The following DCHS2 variants were observed in gnomAD, a reference collection of about 807,000 sequenced individuals.
DCHS2 encodes dachsous cadherin-related 2, also known as protocadherin-23.
In DCHS2, 142 loss-of-function variants were observed where a neutral mutation model predicts 182.4. That is an observed-to-expected ratio of 0.78 (90% CI 0.68 to 0.89). The LOEUF is 0.89. DCHS2 is among the 40% of genes least tolerant of loss of function. The pLI, the probability that DCHS2 is intolerant of heterozygous loss-of-function variation, is 0.00. For missense variants in DCHS2, 4,319 were observed against 4,198.6 expected, an observed-to-expected ratio of 1.03 and a Z score of -0.79; for synonymous variants, 1,740 against 1,663.3, an observed-to-expected ratio of 1.05 and a Z score of -1.12.
intron 6 of DCHS2, among the ~76,000 whole-genome samples, chr4:154,328,436 C>G (rs1319192056): frequency 6.6e-6 from 1 of 152,054 alleles, no homozygotes; most frequent in Non-Finnish European, 1.5e-5. Flanking sequence ...CTAATTCTGA[C>G]CAAAAGAAAA....
intron 9 of DCHS2, among the ~76,000 whole-genome samples, chr4:154,316,817 C>G (rs895480070): frequency 2.0e-5 from 3 of 152,046 alleles, no homozygotes; most frequent in African/African-American, 7.2e-5. Context: ...GATGTTATAA[C>G]TCAGACAATA....
At chr4:154,264,911 T>C (rs1733166588) in intron 14 of DCHS2, among the ~76,000 whole-genome samples, 1 of 152,112 alleles carries the variant, frequency 6.6e-6, no homozygotes, top group Non-Finnish European at 1.5e-5. Flanking sequence ...AAAATTGTGG[T>C]CACAAAAGCA....
intron 1 of DCHS2, among the ~76,000 whole-genome samples, chr4:154,406,777 T>C (rs1732419897): frequency 6.6e-6 from 1 of 152,222 alleles, no homozygotes; most frequent in Non-Finnish European, 1.5e-5. Flanking sequence ...TCTTTTGCTA[T>C]TGTGTTGGAC....
intron 3 of DCHS2, among the ~76,000 whole-genome samples, chr4:154,354,110 G>A (rs1409949882): frequency 6.6e-6 from 1 of 152,058 alleles, no homozygotes; most frequent in East Asian, 1.9e-4. Context: ...ATTTTTAGTG[G>A]AGATAGAGTT....
At chr4:154,261,075 A>G (rs1030705037) in intron 14 of DCHS2, among the ~76,000 whole-genome samples, 1 of 152,198 alleles carries the variant, frequency 6.6e-6, no homozygotes, top group Non-Finnish European at 1.5e-5. Context: ...AAGTCCATCA[A>G]ATAGAGAGTT....
Position 154,235,332 on chromosome 4 carries a change from A to G in DCHS2, c.9320T>C (p.Ile3107Thr). The change falls in exon 20 of 20, where the codon ATC becomes ACC. Residue 3107 changes from isoleucine to threonine, a missense_variant. Physicochemically the swap from Ile to Thr is moderately conservative, Grantham distance 89. Coordinates refer to ENST00000357232, the MANE Select transcript of DCHS2 (RefSeq NM_001358235.2). ...GTAGGGATGCTCATTTATCCTCTGGATTTCCTTATCTTCTGCAGTTTCTCC... is the reference window on the plus strand; with the variant it reads ...GTAGGGATGCTCATTTATCCTCTGGGTTTCCTTATCTTCTGCAGTTTCTCC... ...VEGETAEDKEIQRINEHPYRK... is the reference protein window; with the variant it reads ...VEGETAEDKETQRINEHPYRK... 1 of 1,613,940 alleles carries G rather than the reference A, an allele frequency of 6.2e-7. No homozygotes were observed. The highest frequency in any genetic ancestry group is 8.5e-7 in the Non-Finnish European group (1 of 1,179,952).
intron 3 of DCHS2, among the ~76,000 whole-genome samples, chr4:154,362,306 C>T (rs74383048): frequency 3.4e-3 from 521 of 152,194 alleles, no homozygotes; most frequent in Middle Eastern, 0.01. Flanking sequence ...GAGTCACTTA[C>T]CATGCTGTGA....
chr4:154,240,931 C>T, intron 17 of DCHS2, 108 bp from the exon 18 acceptor site: 1 of 1,454,640 alleles, frequency 6.9e-7, no homozygotes, highest in Non-Finnish European at 9.1e-7. Context: ...ATATGATTTG[C>T]TCTTTCTTGG....
intron 1 of DCHS2, among the ~76,000 whole-genome samples, chr4:154,391,768 G>C (rs1300641684): frequency 6.6e-6 from 1 of 152,110 alleles, no homozygotes; most frequent in Non-Finnish European, 1.5e-5. Context: ...GCAATCACCT[G>C]TACTCCATCA....
chr4:154,408,007 A>G (rs1172667315), intron 1 of DCHS2, among the ~76,000 whole-genome samples: 3 of 151,858 alleles, frequency 2.0e-5, no homozygotes, highest in Admixed American at 6.6e-5. Context: ...TCACCCTCAG[A>G]CTGCCCATGT....
intron 13 of DCHS2, among the ~76,000 whole-genome samples, chr4:154,297,128 G>C (rs1035037160): frequency 6.6e-6 from 1 of 152,194 alleles, no homozygotes; most frequent in African/African-American, 2.4e-5. Flanking sequence ...ATTTTATGAT[G>C]TTGTCATTAT....
chr4:154,477,813 A>T (rs1036482380), intron 1 of DCHS2, among the ~76,000 whole-genome samples: 11 of 152,210 alleles, frequency 7.2e-5, no homozygotes, highest in Non-Finnish European at 1.5e-4. Context: ...TAACAATCCT[A>T]GGTGGTTCTT....
Position 154,333,070 on chromosome 4 carries a change from CT to C in DCHS2, c.3137del (p.Gln1046ArgfsTer6). 1 of 1,614,048 alleles carries C rather than the reference CT, an allele frequency of 6.2e-7. No individual in the cohort carries two copies. The highest frequency in any genetic ancestry group is 8.5e-7 in the Non-Finnish European group (1 of 1,179,964). Reference protein sequence around the residue: ...FLNGSLGAGEQRELTLTLRAE... With the variant: ...FLNGSLGAGEXRELTLTLRAE... ...CCCTGAGAGTCAGCGTGAGCTCCCG[CT>C]GCTCGCCCGCGCCCAGGCTGCCGTT... is the stretch of plus-strand genomic sequence containing the variant. On this transcript the variant is annotated frameshift_variant, in exon 5 of 20. Coordinates refer to ENST00000357232, the MANE Select transcript of DCHS2 (RefSeq NM_001358235.2). LOFTEE classifies it high-confidence loss of function.
Position 154,426,567 on chromosome 4 carries a change from A to G in DCHS2, c.2053-49123T>C, listed in dbSNP as rs527937295. Among the ~76,000 whole-genome samples the G allele has an allele frequency of 1.1e-4, 17 of 152,300 alleles. No homozygotes were observed. The East Asian group carries it at 3.3e-3, about 29-fold the overall frequency. On this transcript the variant is annotated intron_variant, in intron 1 of 19. Transcript: ENST00000357232. ...TGCCATGTAATCAGTACAAATATAT[A>G]ACTAGATAGAATAAGATTGAGTATT...
chr4:154,483,332 C>T (rs142208384), intron 1 of DCHS2, among the ~76,000 whole-genome samples: 44 of 152,092 alleles, frequency 2.9e-4, no homozygotes, highest in Non-Finnish European at 5.9e-4. Flanking sequence ...GCTGAGAAAG[C>T]GGAAAGGCTG....
intron 1 of DCHS2, among the ~76,000 whole-genome samples, chr4:154,388,213 T>C (rs1731501885): frequency 6.6e-6 from 1 of 151,874 alleles, no homozygotes; most frequent in Non-Finnish European, 1.5e-5. Context: ...CAGAAAAGAG[T>C]TGTTAAATAA....
chr4:154,371,456 G>A (rs979886275), intron 2 of DCHS2, among the ~76,000 whole-genome samples: 2 of 152,050 alleles, frequency 1.3e-5, no homozygotes, highest in African/African-American at 4.8e-5. Context: ...GAAACAATCA[G>A]AGACCAGCTT....
chr4:154,463,734 C>G (rs71605204), intron 1 of DCHS2, among the ~76,000 whole-genome samples: 7 of 151,840 alleles, frequency 4.6e-5, no homozygotes, highest in Non-Finnish European at 7.4e-5. Context: ...CTCTGTCTCT[C>G]TCTCCCTCCT....
chr4:154,380,987 A>G (rs1399151207), intron 1 of DCHS2, among the ~76,000 whole-genome samples: 2 of 152,128 alleles, frequency 1.3e-5, no homozygotes, highest in Non-Finnish European at 2.9e-5. Flanking sequence ...AATCTTGCTT[A>G]GTTAATAAGC....
Sources: gnomAD v4.1 joint callset for allele counts (sites outside exome capture counted in the v4.1 genomes callset) on GRCh38, gnomAD v4.1.1 for gene constraint, MANE v1.5 for transcripts, NCBI Gene and HGNC (gene_info 2026-07-23, HGNC 2026-07-21) for gene names.